NNT: variants seen among roughly 807,000 people sequenced by gnomAD.
NNT encodes nicotinamide nucleotide transhydrogenase, also known as NAD(P) transhydrogenase, mitochondrial.
A neutral mutation model predicts 104.8 loss-of-function variants in NNT; 50 were observed. The ratio of observed to expected loss-of-function variants is 0.48; its 90% confidence interval spans 0.38 to 0.60. The LOEUF (loss-of-function observed/expected upper bound fraction) is 0.60. Among genes scored for constraint, NNT ranks in the 20% least tolerant of loss-of-function variants. The probability of loss-of-function intolerance (pLI) is 0.00; values close to 1 mark genes in which losing one functional copy is unlikely to be tolerated. For missense variants in NNT, 1,131 were observed against 1,330.7 expected (o/e 0.85, Z 2.33); for synonymous variants, 461 against 490.4 (o/e 0.94, Z 0.79).
At chr5:43,690,622 G>C (rs1403240282) in intron 19 of NNT, among the ~76,000 whole-genome samples, 2 of 152,138 alleles carry the variant, frequency 1.3e-5, no homozygotes, top group Non-Finnish European at 2.9e-5. Context: ...TGGAAATCCT[G>C]GGCTCCCTCT....
intron 7 of NNT, among the ~76,000 whole-genome samples, chr5:43,637,090 T>A (rs932669877): frequency 1.3e-5 from 2 of 152,164 alleles, no homozygotes; most frequent in Non-Finnish European, 2.9e-5. Context: ...TTTCCTGTGG[T>A]TCCAGGGATA....
At chr5:43,658,549 T>C (rs1580058246) in intron 16 of NNT, among the ~76,000 whole-genome samples, 1 of 152,272 alleles carries the variant, frequency 6.6e-6, no homozygotes, top group South Asian at 2.1e-4. Context: ...TTGACTCCCT[T>C]ATGGTGGGTG....
At chr5:43,621,063 G>A (rs139650485) in intron 5 of NNT, among the ~76,000 whole-genome samples, 1 of 152,322 alleles carries the variant, frequency 6.6e-6, no homozygotes, top group African/African-American at 2.4e-5. Context: ...GAAGGCACTG[G>A]TATAGCTCAT....
intron 7 of NNT, among the ~76,000 whole-genome samples, chr5:43,641,927 A>G (rs1751261523): frequency 6.6e-6 from 1 of 152,204 alleles, no homozygotes; most frequent in Non-Finnish European, 1.5e-5. Flanking sequence ...GAGTGAAATC[A>G]GAGGAGATAA....
chr5:43,672,620 T>A (rs546955204), intron 17 of NNT, among the ~76,000 whole-genome samples: 3 of 152,344 alleles, frequency 2.0e-5, no homozygotes, highest in African/African-American at 7.2e-5. Context: ...AAAAGCAATG[T>A]TGCTGCCTGA....
chr5:43,646,466 T>C (rs906463664), intron 10 of NNT, among the ~76,000 whole-genome samples: 1 of 144,590 alleles, frequency 6.9e-6, no homozygotes, highest in Middle Eastern at 3.6e-3. Flanking sequence ...ATTTTTGTAT[T>C]TTTTTTTTTT....
chr5:43,693,289 T>C (rs964255386), intron 19 of NNT, among the ~76,000 whole-genome samples: 1 of 152,214 alleles, frequency 6.6e-6, no homozygotes, highest in Non-Finnish European at 1.5e-5. Context: ...TGCATTTTCT[T>C]TCTAAATCTA....
chr5:43,681,607 C>G (rs1286321896), intron 19 of NNT, among the ~76,000 whole-genome samples: 2 of 152,082 alleles, frequency 1.3e-5, no homozygotes, highest in African/African-American at 4.8e-5. Flanking sequence ...GCCACGTTGG[C>G]CAGGCTGGTC....
At position 43,609,250 on chromosome 5, in the gene NNT, A is replaced by G. The variant is rs569576368; in HGVS notation, c.55A>G (p.Asn19Asp). The G allele has an allele frequency of 1.9e-6, 3 of 1,614,048 alleles. No individual in the cohort carries two copies. Among genetic ancestry groups the G allele is most frequent in the Middle Eastern group, 1.6e-4 (1 of 6,062 alleles). Residue 19 changes from asparagine to aspartate, a missense_variant, in exon 2 of 22, where the codon AAT becomes GAT. Physicochemically the swap from Asn to Asp is conservative, Grantham distance 23 (BLOSUM62 1). Coordinates refer to ENST00000344920, the MANE Select transcript of NNT (RefSeq NM_182977.3). ...TGGCTGCTCGTGTCCTCTACTTAGC[A>G]ATTTGGGGTCCTGTAAGGGTCTACG... ...VTGCSCPLLS[N>D]LGSCKGLRVK...
intron 19 of NNT, among the ~76,000 whole-genome samples, chr5:43,686,022 G>A (rs901612070): frequency 1.3e-5 from 2 of 151,990 alleles, no homozygotes; most frequent in Non-Finnish European, 2.9e-5. Context: ...AATAGTTCTT[G>A]TATACACTTA....
chr5:43,666,497 C>G (rs1162861413), intron 17 of NNT, among the ~76,000 whole-genome samples: 1 of 150,424 alleles, frequency 6.6e-6, no homozygotes, highest in East Asian at 2.0e-4. Flanking sequence ...CAGCCTGAGG[C>G]AGGAGAATCA....
chr5:43,678,380 C>T (rs369295089), intron 19 of NNT, among the ~76,000 whole-genome samples: 2 of 151,586 alleles, frequency 1.3e-5, no homozygotes, highest in African/African-American at 4.8e-5. Flanking sequence ...TGTTAATGAA[C>T]AAGCCATATT....
intron 5 of NNT, among the ~76,000 whole-genome samples, chr5:43,622,532 C>T (rs772906512): frequency 2.0e-5 from 3 of 152,270 alleles, no homozygotes; most frequent in East Asian, 1.9e-4. Flanking sequence ...CCTCCCAAAG[C>T]GCTGGGATCA....
chr5:43,682,957 C>T (rs1741799112), intron 19 of NNT, among the ~76,000 whole-genome samples: 1 of 152,106 alleles, frequency 6.6e-6, no homozygotes, highest in Non-Finnish European at 1.5e-5. Context: ...ATTATAAGCC[C>T]ATTTGTCTCC....
intron 19 of NNT, among the ~76,000 whole-genome samples, chr5:43,690,919 A>T (rs533586730): frequency 1.3e-5 from 2 of 152,314 alleles, no homozygotes; most frequent in African/African-American, 4.8e-5. Context: ...GCTTTTTTTT[A>T]GTAAAAAAGA....
At chr5:43,631,488 T>C (rs969350156) in intron 7 of NNT, among the ~76,000 whole-genome samples, 8 of 152,248 alleles carry the variant, frequency 5.3e-5, no homozygotes, top group Non-Finnish European at 8.8e-5. Context: ...GGGGAAGTTA[T>C]GAGAGGATTA....
chr5:43,668,783 G>A (rs1740866716), intron 17 of NNT, among the ~76,000 whole-genome samples: 1 of 152,146 alleles, frequency 6.6e-6, no homozygotes, highest in South Asian at 2.1e-4. Context: ...GGTTCCATAT[G>A]AACTTTAAAG....
chr5:43,620,480 G>A (rs3792918), intron 5 of NNT, among the ~76,000 whole-genome samples: 16,284 of 151,906 alleles, frequency 0.11, 1,072 homozygotes, highest in African/African-American at 0.18. Context: ...TTGGCCTCCC[G>A]AAGTGCTGGG....
At position 43,629,397 on chromosome 5, in the gene NNT, G is replaced by T. The variant is rs137871232; in HGVS notation, c.964+1010G>T. Among the ~76,000 whole-genome samples the T allele has an allele frequency of 7.0e-3, 1,072 of 152,202 alleles. 4 individuals carry two copies. Among genetic ancestry groups the T allele is most frequent in the Non-Finnish European group, 9.7e-3 (659 of 67,996 alleles). ...CGTTGGTTGATGCGCATTTAGGCTG[G>T]TTTCATATTTTTGCAACTGTGAATT... is the stretch of plus-strand genomic sequence containing the variant. On this transcript the variant is annotated intron_variant, in intron 7 of 21. Coordinates refer to ENST00000344920, the MANE Select transcript of NNT (RefSeq NM_182977.3).
Sources: allele counts gnomAD v4.1 joint callset (sites outside exome capture counted in the v4.1 genomes callset), GRCh38; gene constraint gnomAD v4.1.1; transcripts MANE v1.5; gene names NCBI Gene and HGNC (gene_info 2026-07-23, HGNC 2026-07-21).